MELK: variants seen among roughly 807,000 people sequenced by gnomAD.
The protein encoded by MELK is maternal embryonic leucine zipper kinase, also known as pEg3 kinase.
MELK carries 81 observed loss-of-function variants against 85.0 expected under a neutral mutation model. The ratio of observed to expected loss-of-function variants is 0.95; its 90% CI spans 0.80 to 1.15. The LOEUF (loss-of-function observed/expected upper bound fraction) is 1.15, where lower values mean the gene tolerates loss of function less well. Among genes scored for constraint, MELK ranks in the 50% most tolerant of loss-of-function variants. The probability of loss-of-function intolerance (pLI) is 0.00; values close to 1 mark genes in which losing one functional copy is unlikely to be tolerated. For synonymous variants in MELK, 252 were observed against 265.0 expected, an observed-to-expected ratio of 0.95 and a Z score of 0.48; for missense variants, 754 against 777.5, an observed-to-expected ratio of 0.97 and a Z score of 0.36.
chr9:36,649,293 T>C (rs565036467), intron 11 of MELK, among the ~76,000 whole-genome samples: 27 of 152,064 alleles, frequency 1.8e-4, no homozygotes, highest in African/African-American at 6.3e-4. Context: ...GAGACCATCC[T>C]GGCTAGCACG....
At chr9:36,621,275 GAAAAAA>G (rs74181196) in intron 8 of MELK, among the ~76,000 whole-genome samples, 57 of 32,368 alleles carry the variant, frequency 1.8e-3, no homozygotes, top group East Asian at 2.5e-3. Context: ...CTGTCTCAGG[GAAAAAA>G]AAAAAAAAAA....
At chr9:36,675,024 G>A (rs1409932540) in intron 17 of MELK, 87 bp downstream of exon 17, 20 of 894,350 alleles carry the variant, frequency 2.2e-5, no homozygotes, top group South Asian at 9.1e-5. Context: ...GGTGGCTCAC[G>A]CCTGTAATCC....
chr9:36,633,232 T>G, intron 10 of MELK, 32 bp downstream of exon 10: 2 of 1,518,024 alleles, frequency 1.3e-6, no homozygotes, highest in Non-Finnish European at 1.8e-6. Flanking sequence ...AGAATTTTTT[T>G]TTGACTTTGT....
At chr9:36,661,936 CAAAAAAAAAA>C (rs1174052114) in intron 13 of MELK, among the ~76,000 whole-genome samples, 30 of 72,874 alleles carry the variant, frequency 4.1e-4, no homozygotes, top group African/African-American at 1.6e-3. Context: ...GACTCCGTCT[CAAAAAAAAAA>C]AAAAAAAAAA....
At chr9:36,591,612 A>T (rs1484731531) in intron 4 of MELK, among the ~76,000 whole-genome samples, 1 of 151,474 alleles carries the variant, frequency 6.6e-6, no homozygotes, top group Non-Finnish European at 1.5e-5. Context: ...CCAAGCATCC[A>T]TGAACCTAGG....
At chr9:36,577,799 G>A (rs1320561858) in intron 1 of MELK, among the ~76,000 whole-genome samples, 6 of 151,866 alleles carry the variant, frequency 4.0e-5, no homozygotes, top group African/African-American at 1.5e-4. Context: ...TTACAGGCAT[G>A]GGCCACCACG....
At chr9:36,624,077 A>G (rs933373000) in intron 8 of MELK, among the ~76,000 whole-genome samples, 1 of 148,430 alleles carries the variant, frequency 6.7e-6, no homozygotes, top group African/African-American at 2.5e-5. Flanking sequence ...TATCGTTATT[A>G]TACTTCTTTT....
rs1413524362 is a variant in MELK, at chr9:36,596,587, TTTG to T, written c.406-632_406-630del. Among the ~76,000 whole-genome samples, 751 of 108,406 alleles carry T rather than the reference TTTG, an allele frequency of 6.9e-3. 48 individuals carry two copies. Among genetic ancestry groups the T allele is most frequent in the African/African-American group, 0.04 (718 of 17,932 alleles). 71.1% of individuals were successfully genotyped at this position (108,406 alleles called of 152,430 possible). On this transcript the variant is annotated intron_variant, in intron 5 of 17. Coordinates refer to ENST00000298048, the MANE Select transcript of MELK (RefSeq NM_014791.4). Reference sequence around the variant, plus strand: ...TGTTTTTTTTGTTTTTTTTGTTTTTTTTGTTTTTTTTTTTTTGAGATGGAGTTT... The same window carrying T: ...TGTTTTTTTTGTTTTTTTTGTTTTTTTTTTTTTTTTTTTGAGATGGAGTTT...
chr9:36,599,393 G>T lies in MELK; in HGVS notation c.475-1G>T, dbSNP rs753093240. ...AAGTTTCATTTTTATCTTATTGGCA[G>T]GGTAACAAGGATTACCATCTACAGA... is the stretch of plus-strand genomic sequence containing the variant. On this transcript the variant is annotated splice_acceptor_variant, in intron 6 of 17. Transcript: ENST00000298048. LOFTEE classifies it high-confidence loss of function. The T allele has an allele frequency of 6.2e-7, 1 of 1,603,108 alleles. No homozygotes were observed. The highest frequency in any genetic ancestry group is 8.5e-7 in the Non-Finnish European group (1 of 1,171,418).
intron 10 of MELK, among the ~76,000 whole-genome samples, chr9:36,636,740 C>CTT (rs761020410): frequency 2.6e-5 from 2 of 76,362 alleles, no homozygotes; most frequent in Non-Finnish European, 5.2e-5. Flanking sequence ...TTCTTTCTTT[C>CTT]TTTCTTTCTT....
At chr9:36,643,933 CAA>C (rs796275817) in intron 11 of MELK, among the ~76,000 whole-genome samples, 21 of 92,262 alleles carry the variant, frequency 2.3e-4, no homozygotes, top group Middle Eastern at 5.2e-3. Context: ...GACTCCATCT[CAA>C]AAAAAAAAAA....
At chr9:36,636,649 G>T (rs1023050944) in intron 10 of MELK, among the ~76,000 whole-genome samples, 5 of 152,190 alleles carry the variant, frequency 3.3e-5, no homozygotes, top group Non-Finnish European at 5.9e-5. Context: ...AATGGTCCAA[G>T]CCTCACTAGA....
At chr9:36,637,544 C>G (rs1404230191) in intron 10 of MELK, among the ~76,000 whole-genome samples, 1 of 152,154 alleles carries the variant, frequency 6.6e-6, no homozygotes, top group Non-Finnish European at 1.5e-5. Context: ...AATAGTGTTT[C>G]CAGATAATTG....
At chr9:36,615,302 C>T (rs1421019776) in intron 8 of MELK, among the ~76,000 whole-genome samples, 1 of 108,598 alleles carries the variant, frequency 9.2e-6, no homozygotes, top group East Asian at 2.6e-4. Flanking sequence ...GGGGCTGATC[C>T]CCCCACCTCC....
At chr9:36,675,046 G>GAAGCCA in intron 17 of MELK, 109 bp downstream of exon 17, 2 of 690,228 alleles carry the variant, frequency 2.9e-6, no homozygotes, top group Non-Finnish European at 4.9e-6. Flanking sequence ...AGCACTTTGG[G>GAAGCCA]AGGCTGAGGT....
At chr9:36,590,865 C>T (rs550454289) in intron 4 of MELK, among the ~76,000 whole-genome samples, 33 of 151,804 alleles carry the variant, frequency 2.2e-4, no homozygotes, top group Middle Eastern at 3.4e-3. Flanking sequence ...CATTTGAAAC[C>T]AGTGGTTTAA....
At chr9:36,656,877 A>G (rs1831304380) in intron 12 of MELK, among the ~76,000 whole-genome samples, 1 of 152,184 alleles carries the variant, frequency 6.6e-6, no homozygotes, top group Admixed American at 6.5e-5. Context: ...TCAGCCTTCC[A>G]AAGTGCTGGG....
At chr9:36,647,582 G>A (rs766278411) in intron 11 of MELK, among the ~76,000 whole-genome samples, 63 of 151,396 alleles carry the variant, frequency 4.2e-4, no homozygotes, top group South Asian at 2.1e-4. Flanking sequence ...TCCGCCTCCC[G>A]AGTTCAAGCA....
chr9:36,672,698 T>A (rs73439189), intron 16 of MELK, among the ~76,000 whole-genome samples: 5,351 of 152,228 alleles, frequency 0.035, 304 homozygotes, highest in African/African-American at 0.12. Flanking sequence ...ATGCCTACCC[T>A]GGCAACCTCA....
Sources: gnomAD v4.1 joint callset for allele counts (sites outside exome capture counted in the v4.1 genomes callset) on GRCh38, gnomAD v4.1.1 for gene constraint, MANE v1.5 for transcripts, NCBI Gene and HGNC (gene_info 2026-07-23, HGNC 2026-07-21) for gene names.